The following CLDN10 variants were observed in gnomAD, a reference collection of about 807,000 sequenced individuals.
CLDN10 encodes claudin-10.
In CLDN10, 15 loss-of-function variants were observed where a neutral mutation model predicts 22.9. That is an observed-to-expected ratio of 0.65 (90% CI 0.44 to 1.01). CLDN10 has a LOEUF of 1.01. CLDN10 is among the 50% of genes least tolerant of loss of function. CLDN10 has a pLI of 0.00. For synonymous variants in CLDN10, 114 were observed against 111.4 expected, an observed-to-expected ratio of 1.02 and a Z score of -0.15; for missense variants, 247 against 287.8, an observed-to-expected ratio of 0.86 and a Z score of 1.03.
intron 1 of CLDN10, among the ~76,000 whole-genome samples, chr13:95,513,489 G>T: frequency 2.0e-5 from 3 of 152,096 alleles, no homozygotes; most frequent in Middle Eastern, 6.8e-3. Flanking sequence ...TCTAACAAAC[G>T]CTTCCAGCCC....
intron 1 of CLDN10, among the ~76,000 whole-genome samples, chr13:95,511,196 C>T (rs2043093818): frequency 6.6e-6 from 1 of 152,010 alleles, no homozygotes; most frequent in African/African-American, 2.4e-5. Flanking sequence ...GAAAGTCAGT[C>T]AACTGTAAGA....
chr13:95,523,172 T>C (rs1156432957), intron 1 of CLDN10, among the ~76,000 whole-genome samples: 1 of 152,110 alleles, frequency 6.6e-6, no homozygotes, highest in Non-Finnish European at 1.5e-5. Flanking sequence ...TATTATTCTA[T>C]CTTTTTTTGT....
intron 1 of CLDN10, among the ~76,000 whole-genome samples, chr13:95,530,427 T>C (rs1754473526): frequency 6.6e-6 from 1 of 152,194 alleles, no homozygotes; most frequent in Non-Finnish European, 1.5e-5. Flanking sequence ...ATTGAATTAC[T>C]GGACTCAAGA....
At chr13:95,446,075 A>G (rs2042375970) in intron 1 of CLDN10, among the ~76,000 whole-genome samples, 1 of 152,162 alleles carries the variant, frequency 6.6e-6, no homozygotes, top group African/African-American at 2.4e-5. Context: ...GGGAGAAGAT[A>G]TTGGGTAGAT....
chr13:95,488,176 G>C (rs2042826145), intron 1 of CLDN10, among the ~76,000 whole-genome samples: 1 of 150,592 alleles, frequency 6.6e-6, no homozygotes, highest in Non-Finnish European at 1.5e-5. Flanking sequence ...GTAGAGACAG[G>C]GTTTTACCGT....
chr13:95,501,230 T>C (rs2042981351), intron 1 of CLDN10, among the ~76,000 whole-genome samples: 1 of 152,146 alleles, frequency 6.6e-6, no homozygotes. Context: ...ATCAGGCTGT[T>C]CTTGAACTCC....
chr13:95,480,056 G>A (rs2042727742), intron 1 of CLDN10: 1 of 117,582 alleles, frequency 8.5e-6, no homozygotes, highest in Non-Finnish European at 1.9e-5. Flanking sequence ...TCACAATCAT[G>A]GTGGAAGGTG....
In CLDN10 at chr13:95,560,163, C is replaced by T. The variant is rs765345833; in HGVS notation, c.252C>T (p.Ile84=). The T allele has an allele frequency of 8.7e-6, 14 of 1,614,014 alleles. No individual in the cohort carries two copies. Among genetic ancestry groups the T allele is most frequent in the Middle Eastern group, 1.6e-4 (1 of 6,084 alleles). The change falls in exon 2 of 5, where the codon ATC becomes ATT. Residue 84 remains isoleucine, a synonymous_variant. Transcript: ENST00000299339. The part of the protein sequence containing the change: ...GYIQACRGLM[I]AAVSLGFFGS... ...TACAGGCATGTAGAGGACTTATGAT[C>T]GCTGCTGTCAGCCTGGGCTTCTTTG...
chr13:95,573,847 G>A (rs753942586), intron 3 of CLDN10, among the ~76,000 whole-genome samples: 2 of 151,792 alleles, frequency 1.3e-5, no homozygotes, highest in Non-Finnish European at 2.9e-5. Flanking sequence ...TTTACATTAG[G>A]TATTTCTCCT....
intron 1 of CLDN10, among the ~76,000 whole-genome samples, chr13:95,467,038 G>GGT (rs751140752): frequency 0.011 from 1,397 of 127,576 alleles, 54 homozygotes; most frequent in East Asian, 0.087. Flanking sequence ...CACCATGCCC[G>GGT]TTTTTTTTTT....
rs185148944 is a variant in CLDN10 at position 95,571,134 on chromosome 13, G to A, written c.465-6097G>A. ...TCATTTTAGAAAATACAAAGAAAAC[G>A]TCTAGAAAGCATCCACCACAGTGAC... On this transcript the variant is annotated intron_variant, in intron 3 of 4. Transcript: ENST00000299339. Among the ~76,000 whole-genome samples the A allele has an allele frequency of 4.1e-3, 624 of 151,862 alleles. 8 individuals carry two copies. The highest frequency in any genetic ancestry group is 6.5e-3 in the Non-Finnish European group (440 of 67,950).
rs182174355 is a variant in CLDN10 at position 95,571,559 on chromosome 13, C to T, written c.465-5672C>T. On this transcript the variant is annotated intron_variant, in intron 3 of 4. Coordinates refer to ENST00000299339, the MANE Select transcript of CLDN10 (RefSeq NM_006984.5). The stretch of plus-strand genomic sequence containing the variant: ...GAGCGTCTCATAAGAGAGACTGGAC[C>T]ATGGCAGCCTCAGAGAGATACGCAG... Among the ~76,000 whole-genome samples, 4 of 152,250 alleles carry T rather than the reference C, an allele frequency of 2.6e-5. No individual in the cohort carries two copies. In the East Asian group the frequency reaches 7.7e-4, roughly 29 times the overall value.
Position 95,556,764 on chromosome 13 carries a change from G to A in CLDN10, c.221-3368G>A, listed in dbSNP as rs535928823. ...GAAGTACACAAAGCTACCAGGAAAA[G>A]AAAAGCACATTCTTTTTTCCCCCCT... is the stretch of plus-strand genomic sequence containing the variant. On this transcript the variant is annotated intron_variant, in intron 1 of 4. Transcript: ENST00000299339. Among the ~76,000 whole-genome samples the A allele has an allele frequency of 8.5e-5, 13 of 152,326 alleles. No individual in the cohort carries two copies. The East Asian group carries it at 2.5e-3, about 29-fold the overall frequency.
At chr13:95,463,577 C>A (rs1460090229) in intron 1 of CLDN10, among the ~76,000 whole-genome samples, 2 of 151,646 alleles carry the variant, frequency 1.3e-5, no homozygotes, top group Non-Finnish European at 2.9e-5. Context: ...AAGCAATACT[C>A]CCACTTCAGG....
intron 1 of CLDN10, among the ~76,000 whole-genome samples, chr13:95,480,495 A>T (rs1174586092): frequency 1.3e-5 from 2 of 152,194 alleles, no homozygotes; most frequent in Non-Finnish European, 2.9e-5. Flanking sequence ...GCTGGCAGCC[A>T]TTGTGGTCCC....
intron 3 of CLDN10, 76 bp from the exon 4 acceptor site, chr13:95,577,155 T>C (rs2138693014): frequency 1.1e-6 from 1 of 909,072 alleles, no homozygotes; most frequent in East Asian, 2.4e-5. Flanking sequence ...ATTTAGTAAA[T>C]GTTGACTATC....
rs1332963096 is a variant in CLDN10 at position 95,560,194 on chromosome 13, A to T, written c.283A>T (p.Ile95Leu). The T allele has an allele frequency of 6.2e-7, 1 of 1,614,200 alleles. No individual in the cohort carries two copies. Among genetic ancestry groups the T allele is most frequent in the South Asian group, 1.1e-5 (1 of 91,076 alleles). ...AAVSLGFFGS[I>L]FALFGMKCTK... ...TGTCAGCCTGGGCTTCTTTGGTTCCATATTTGCGCTCTTTGGAATGAAGTG... is the reference window on the plus strand; with the variant it reads ...TGTCAGCCTGGGCTTCTTTGGTTCCTTATTTGCGCTCTTTGGAATGAAGTG... The change falls in exon 2 of 5, where the codon ATA becomes TTA. Residue 95 changes from isoleucine to leucine, a missense_variant. Ile to Leu is a conservative substitution (Grantham distance 5, BLOSUM62 2). Coordinates refer to ENST00000299339, the MANE Select transcript of CLDN10 (RefSeq NM_006984.5).
chr13:95,452,186 A>C (rs2139079094), intron 1 of CLDN10, among the ~76,000 whole-genome samples: 1 of 152,238 alleles, frequency 6.6e-6, no homozygotes, highest in African/African-American at 2.4e-5. Flanking sequence ...ACATTTTCTT[A>C]ACCCCTAATT....
chr13:95,439,756 A>G (rs1320453391), intron 1 of CLDN10, among the ~76,000 whole-genome samples: 1 of 152,158 alleles, frequency 6.6e-6, no homozygotes, highest in Non-Finnish European at 1.5e-5. Context: ...ATTTCCACAT[A>G]TAAATTTAGG....
Sources: allele counts gnomAD v4.1 joint callset (sites outside exome capture counted in the v4.1 genomes callset), GRCh38; gene constraint gnomAD v4.1.1; transcripts MANE v1.5; gene names NCBI Gene and HGNC (gene_info 2026-07-23, HGNC 2026-07-21).